The following ZNF419 variants were observed in gnomAD, a reference collection of about 807,000 sequenced individuals.
ZNF419 encodes the protein zinc finger protein 419, also known as zinc finger protein 419A.
Under a neutral mutation model 14.9 loss-of-function variants are expected in ZNF419, and 8 were observed. The ratio of observed to expected loss-of-function variants is 0.54; its 90% CI spans 0.32 to 0.97. ZNF419 has a LOEUF of 0.97. Ranked by LOEUF, ZNF419 falls within the 50% of genes least tolerant of loss-of-function variation. The pLI, the probability that ZNF419 is intolerant of heterozygous loss-of-function variation, is 0.04. For synonymous variants in ZNF419, 211 were observed against 205.3 expected (o/e 1.03, Z -0.24); for missense variants, 595 against 607.2 (o/e 0.98, Z 0.21).
At position 57,490,128 on chromosome 19, in the gene ZNF419, T is replaced by C. The variant is rs546669516; in HGVS notation, c.34-19T>C. ...TGGCAACATCACTGTCTGGTTCTCA[T>C]AGTCTTGATTTTCCATAGGTTCCTG... On this transcript the variant is annotated intron_variant, in intron 1 of 4. Transcript: ENST00000221735. 2 of 1,612,428 alleles carry C rather than the reference T, an allele frequency of 1.2e-6. No individual in the cohort carries two copies. The highest frequency in any genetic ancestry group is 1.7e-6 in the Non-Finnish European group (2 of 1,179,090).
Position 57,493,003 on chromosome 19 carries a change from G to T in ZNF419, c.446G>T (p.Ser149Ile). The T allele has an allele frequency of 6.2e-7, 1 of 1,614,174 alleles. No individual in the cohort carries two copies. The highest frequency in any genetic ancestry group is 1.7e-5 in the Admixed American group (1 of 60,014). ...GAGGGCAGGGTCCCAGTTTTGAGGA[G>T]TTGCAAAGTTCACCTATCAGAGAAG... ...RQEGRVPVLR[S>I]CKVHLSEKSL... The change falls in exon 5 of 5, where the codon AGT becomes ATT. Residue 149 changes from serine to isoleucine, a missense_variant. By Grantham distance (142) the Ser-to-Ile change is moderately radical. Transcript: ENST00000221735.
chr19:57,492,235 G>A lies in ZNF419; in HGVS notation c.298+24G>A, dbSNP rs147538695. On this transcript the variant is annotated intron_variant, in intron 4 of 4. Coordinates refer to ENST00000221735, the MANE Select transcript of ZNF419 (RefSeq NM_024691.4). ...AGGTAGTTGGTGGGTGGAGCTCAGG[G>A]AGGTGTGAACTCAGGGATGGATTCA... 24 of 1,613,108 alleles carry A rather than the reference G, an allele frequency of 1.5e-5. No homozygotes were observed. The African/African-American group carries it at 2.8e-4, about 19-fold the overall frequency.
At chr19:57,488,240 A>ATGTC (rs1279695930) in intron 1 of ZNF419, 30 of 538,726 alleles carry the variant, frequency 5.6e-5, no homozygotes, top group Non-Finnish European at 9.8e-5. Flanking sequence ...GTCGAGCGAC[A>ATGTC]GCCCGAGCAG....
At position 57,492,912 on chromosome 19, in the gene ZNF419, C is replaced by T; in HGVS notation, c.355C>T (p.Leu119=). ...TCCTGAGCAGATTGCTTCTGTAGGA[C>T]TGCTCAGTTCAAACATTCAGCAACA... ...EAPEQIASVG[L]LSSNIQQHQK... The change falls in exon 5 of 5, where the codon CTG becomes TTG. Residue 119 remains leucine (L), a synonymous_variant. Coordinates refer to ENST00000221735, the MANE Select transcript of ZNF419 (RefSeq NM_024691.4). The T allele has an allele frequency of 6.2e-7, 1 of 1,614,156 alleles. No individual in the cohort carries two copies. Among genetic ancestry groups the T allele is most frequent in the Non-Finnish European group, 8.5e-7 (1 of 1,180,002 alleles).
At position 57,491,472 on chromosome 19, in the gene ZNF419, G is replaced by A. The variant is rs1397210318; in HGVS notation, c.74G>A (p.Gly25Asp). 3 of 1,613,964 alleles carry A rather than the reference G, an allele frequency of 1.9e-6. No homozygotes were observed. The East Asian group carries it at 6.7e-5, about 36-fold the overall frequency. The change falls in exon 3 of 5, where the codon GGC becomes GAC. Residue 25 changes from glycine (G) to aspartate (D), a missense_variant and splice_region_variant. Transcript: ENST00000221735. Reference protein sequence around the residue: ...AADLLTDHEEGYVTFEDVAVY... With the variant: ...AADLLTDHEEDYVTFEDVAVY... ...ACTCTACTCTGTCCATCTTAGCAGG[G>A]CTATGTGACCTTTGAGGATGTGGCT...
At chr19:57,491,357 C>G in intron 2 of ZNF419, 114 bp from the exon 3 acceptor site, 1 of 1,515,394 alleles carries the variant, frequency 6.6e-7, no homozygotes, top group South Asian at 1.3e-5. Flanking sequence ...GGCAGGGTCT[C>G]TCCTCTGAGA....
In ZNF419 at chr19:57,493,318, C is replaced by G. The variant is rs779625143; in HGVS notation, c.761C>G (p.Thr254Ser). The G allele has an allele frequency of 6.2e-7, 1 of 1,614,196 alleles. No homozygotes were observed. The highest frequency in any genetic ancestry group is 8.5e-7 in the Non-Finnish European group (1 of 1,180,040). The change falls in exon 5 of 5, where the codon ACT becomes AGT. Residue 254 changes from threonine to serine, a missense_variant. Coordinates refer to ENST00000221735, the MANE Select transcript of ZNF419 (RefSeq NM_024691.4). ...SNLFIHQIVH[T>S]GERPYGCSNC... ...CTTTTTATACACCAAATAGTTCACA[C>G]TGGAGAAAGGCCTTACGGGTGTAGT...
At position 57,493,660 on chromosome 19, in the gene ZNF419, A is replaced by T. The variant is rs551772642; in HGVS notation, c.1103A>T (p.Glu368Val). Residue 368 changes from glutamate (E) to valine (V), a missense_variant, in exon 5 of 5, where the codon GAA becomes GTA. Glu to Val is a moderately radical substitution (Grantham distance 121). Coordinates refer to ENST00000221735, the MANE Select transcript of ZNF419 (RefSeq NM_024691.4). ...AAACATTGGCGTGTTCATACTGGAGAAAGGCCTTACAAGTGCAGCGACTGT... is the reference window on the plus strand; with the variant it reads ...AAACATTGGCGTGTTCATACTGGAGTAAGGCCTTACAAGTGCAGCGACTGT... ...LIKHWRVHTGERPYKCSDCGK... is the reference protein window; with the variant it reads ...LIKHWRVHTGVRPYKCSDCGK... 15 of 1,614,092 alleles carry T rather than the reference A, an allele frequency of 9.3e-6. No homozygotes were observed. The South Asian group carries it at 1.3e-4, about 14-fold the overall frequency.
At position 57,495,989 on chromosome 19, in the gene ZNF419, C is replaced by T. The variant is rs1237345165; in HGVS notation, c.*1899C>T. ...TATATCATTTTTTAATAAAAGGAACCAGAACTCCTTAGAGAAGAGGCTGTT... is the reference window on the plus strand; with the variant it reads ...TATATCATTTTTTAATAAAAGGAACTAGAACTCCTTAGAGAAGAGGCTGTT... On this transcript the variant is annotated 3_prime_UTR_variant, in exon 5 of 5. Coordinates refer to ENST00000221735, the MANE Select transcript of ZNF419 (RefSeq NM_024691.4). 1 of 151,870 alleles carries T rather than the reference C, an allele frequency of 6.6e-6. No individual in the cohort carries two copies. Among genetic ancestry groups the T allele is most frequent in the Non-Finnish European group, 1.5e-5 (1 of 68,010 alleles). 9.4% of individuals were successfully genotyped at this position (151,870 alleles called of 1,614,324 possible).
Position 57,495,800 on chromosome 19 carries a change from T to C in ZNF419, c.*1710T>C, listed in dbSNP as rs1227777822. 3 of 143,572 alleles carry C rather than the reference T, an allele frequency of 2.1e-5. No individual in the cohort carries two copies. Among genetic ancestry groups the C allele is most frequent in the South Asian group, 2.3e-4 (1 of 4,432 alleles). 8.9% of individuals were successfully genotyped at this position (143,572 alleles called of 1,614,324 possible). On this transcript the variant is annotated 3_prime_UTR_variant, in exon 5 of 5. Transcript: ENST00000221735. ...ATGTGAGTATGCTACTGTAATCTTA[T>C]GAATCTTTTTAAATATCCAACTTCT...
At position 57,493,528 on chromosome 19, in the gene ZNF419, T is replaced by G. The variant is rs1451855072; in HGVS notation, c.971T>G (p.Phe324Cys). 6.2e-7 allele frequency: 1 copy of G among 1,608,300 alleles called. No individual in the cohort carries two copies. The highest frequency in any genetic ancestry group is 1.7e-5 in the Admixed American group (1 of 59,940). The change falls in exon 5 of 5, where the codon TTT (phenylalanine) becomes TGT (cysteine). Residue 324 changes from phenylalanine to cysteine, a missense_variant. Coordinates refer to ENST00000221735, the MANE Select transcript of ZNF419 (RefSeq NM_024691.4). ...GAGTGCAGTGAATGTGGAAAATTGT[T>G]TAGTTTCAACTCCAGCCTCATGAAA... ...PYECSECGKL[F>C]SFNSSLMKHQ...
chr19:57,489,024 T>C (rs1270581080), intron 1 of ZNF419: 2 of 152,238 alleles, frequency 1.3e-5, no homozygotes, highest in African/African-American at 4.8e-5. Context: ...GCTCAGCAGT[T>C]CCTCATGTAC....
In ZNF419 at chr19:57,487,786, G is replaced by A; in HGVS notation, c.-165G>A. 1 of 947,194 alleles carries A rather than the reference G, an allele frequency of 1.1e-6. No individual in the cohort carries two copies. The highest frequency in any genetic ancestry group is 1.5e-5 in the South Asian group (1 of 67,434). 58.7% of individuals were successfully genotyped at this position (947,194 alleles called of 1,614,324 possible). ...TCGCGACTCAGGTGAACTAACCTGC[G>A]AGAAGCTGGTTGTGCGCTGAGGCGA... is the stretch of plus-strand genomic sequence containing the variant. On this transcript the variant is annotated 5_prime_UTR_variant, in exon 1 of 5. Coordinates refer to ENST00000221735, the MANE Select transcript of ZNF419 (RefSeq NM_024691.4).
At position 57,493,905 on chromosome 19, in the gene ZNF419, A is replaced by G. The variant is rs764458851; in HGVS notation, c.1348A>G (p.Ile450Val). The G allele has an allele frequency of 2.5e-5, 40 of 1,614,006 alleles. No homozygotes were observed. The Middle Eastern group carries it at 3.6e-3, about 146-fold the overall frequency. ...CCTCATGCAACATCGAAAAGTTCAC[A>G]TTGGAGAAAAGCCTTTTAAGTGCAA... ...STLMQHRKVH[I>V]GEKPFKCNEC... is the part of the protein sequence containing the mutation. The change falls in exon 5 of 5, where the codon ATT becomes GTT. Residue 450 changes from isoleucine (I) to valine (V), a missense_variant. Coordinates refer to ENST00000221735, the MANE Select transcript of ZNF419 (RefSeq NM_024691.4).
intron 2 of ZNF419, 100 bp downstream of exon 2, chr19:57,490,285 A>G (rs775280305): frequency 2.6e-6 from 3 of 1,151,744 alleles, no homozygotes; most frequent in African/African-American, 1.5e-5. Context: ...TATTCTCCCT[A>G]CCCTTCCATT....
chr19:57,494,215 A>G lies in ZNF419; in HGVS notation c.*125A>G. The G allele has an allele frequency of 8.0e-6, 11 of 1,380,476 alleles. No individual in the cohort carries two copies. The highest frequency in any genetic ancestry group is 2.4e-5 in the Admixed American group (1 of 41,032). 85.5% of individuals were successfully genotyped at this position (1,380,476 alleles called of 1,614,324 possible). ...CACCTCCAGTCTCATTCAACACTGG[A>G]CAGTTTACAATGTGGACAATGTAGT... On this transcript the variant is annotated 3_prime_UTR_variant, in exon 5 of 5. Transcript: ENST00000221735.
chr19:57,490,361 T>G, intron 2 of ZNF419, 176 bp downstream of exon 2: 1 of 459,208 alleles, frequency 2.2e-6, no homozygotes, highest in Non-Finnish European at 3.8e-6. Flanking sequence ...TTATTTTTAT[T>G]ATTTTCTTTT....
At position 57,487,923 on chromosome 19, in the gene ZNF419, T is replaced by TC. The variant is rs1333524028; in HGVS notation, c.-24dup. The TC allele has an allele frequency of 6.2e-7, 1 of 1,613,712 alleles. No homozygotes were observed. Among genetic ancestry groups the TC allele is most frequent in the East Asian group, 2.2e-5 (1 of 44,848 alleles). On this transcript the variant is annotated 5_prime_UTR_variant, in exon 1 of 5. Coordinates refer to ENST00000221735, the MANE Select transcript of ZNF419 (RefSeq NM_024691.4). ...CCGGGCCCTTTCCTCGGTCATTGTC[T>TC]CCCCTCCAGCTCTACTCACAGGCTC...
chr19:57,487,752 T>C lies in ZNF419; in HGVS notation c.-199T>C, dbSNP rs550306590. ...GCGGGACTTCCGGCGTCTCGTTTGG[T>C]ATTCACTTTCGCGACTCAGGTGAAC... On this transcript the variant is annotated 5_prime_UTR_variant, in exon 1 of 5. Transcript: ENST00000221735. 1.0e-4 allele frequency: 69 copies of C among 682,630 alleles called. No individual in the cohort carries two copies. The highest frequency in any genetic ancestry group is 7.8e-4 in the Middle Eastern group (3 of 3,864). The allele number at this position is 682,630 out of a possible 1,614,324, so 42.3% of individuals were successfully genotyped here. A position where few individuals can be genotyped will look rare whatever the true frequency, so the allele number is the denominator to read the frequency against.
Sources: gnomAD v4.1 joint callset for allele counts on GRCh38, gnomAD v4.1.1 for gene constraint, MANE v1.5 for transcripts, NCBI Gene and HGNC (gene_info 2026-07-23, HGNC 2026-07-21) for gene names.